Variants in P2RX4 observed in about 807,000 individuals in gnomAD.
P2RX4 encodes P2X purinoceptor 4.
A neutral mutation model predicts 48.0 loss-of-function variants in P2RX4; 37 were observed. That is an observed-to-expected ratio of 0.77 (90% CI 0.59 to 1.01). P2RX4 has a LOEUF of 1.01. Ranked by LOEUF, P2RX4 falls within the 50% of genes least tolerant of loss-of-function variation. P2RX4 has a pLI of 0.00. For missense variants in P2RX4, 501 were observed against 521.4 expected (o/e 0.96, Z 0.38); for synonymous variants, 200 against 199.7 (o/e 1.00, Z -0.01).
intron 2 of P2RX4, among the ~76,000 whole-genome samples, chr12:121,219,772 TTAGA>T (rs1886476578): frequency 6.6e-6 from 1 of 151,538 alleles, no homozygotes; most frequent in Admixed American, 6.6e-5. Context: ...ATAGGATAGA[TTAGA>T]TAGGTGATAG....
intron 5 of P2RX4, among the ~76,000 whole-genome samples, chr12:121,224,692 C>T (rs1246779915): frequency 1.3e-5 from 2 of 151,930 alleles, no homozygotes; most frequent in Admixed American, 6.6e-5. Context: ...TAACATTCTT[C>T]GTGGTTGTAA....
rs531322796 is a variant in P2RX4, at chr12:121,229,388, G to A, written c.884+289G>A. On this transcript the variant is annotated intron_variant, in intron 8 of 11. Coordinates refer to ENST00000337233, the MANE Select transcript of P2RX4 (RefSeq NM_002560.3). The surrounding 1 kb of genome is among the most constrained non-coding windows in gnomAD (Gnocchi z 4.6). ...AGAAGCTGGGGGCTTAAGCTTTCCA[G>A]CACCTGCCTCAGCCATGACCTCCAT... is the stretch of plus-strand genomic sequence containing the variant. Among the ~76,000 whole-genome samples the A allele has an allele frequency of 6.6e-6, 1 of 152,294 alleles. No individual in the cohort carries two copies. Among genetic ancestry groups the A allele is most frequent in the East Asian group, 1.9e-4 (1 of 5,176 alleles).
At chr12:121,230,936 G>A (rs1236153344) in intron 8 of P2RX4, among the ~76,000 whole-genome samples, 1 of 146,314 alleles carries the variant, frequency 6.8e-6, no homozygotes, top group African/African-American at 2.5e-5. Context: ...GTATATATGT[G>A]TATATATATA....
chr12:121,216,070 A>G (rs1886209792), intron 1 of P2RX4: 2 of 152,196 alleles, frequency 1.3e-5, no homozygotes, highest in Admixed American at 1.3e-4. Flanking sequence ...ATATGCTAAC[A>G]CTAACAATAG....
intron 5 of P2RX4, chr12:121,223,537 C>T (rs986751476): frequency 7.1e-5 from 12 of 168,456 alleles, no homozygotes; most frequent in African/African-American, 2.4e-4. Flanking sequence ...CACAAGGCAG[C>T]GACCATCAGT....
At chr12:121,212,808 A>T (rs1593195904) in intron 1 of P2RX4, 4 of 30,256 alleles carry the variant, frequency 1.3e-4, no homozygotes, top group African/African-American at 5.9e-4. Flanking sequence ...ATATATATAT[A>T]TATATATATA....
Position 121,223,215 on chromosome 12 carries a change from T to C in P2RX4, c.524+172T>C, listed in dbSNP as rs377409304. The C allele has an allele frequency of 6.6e-5, 39 of 591,834 alleles. 1 individual carries two copies. The highest frequency in any genetic ancestry group is 1.9e-4 in the African/African-American group (10 of 53,738). The allele number at this position is 591,834 out of a possible 1,614,324, so 36.7% of individuals were successfully genotyped here. ...TCAGCCTCCCGAGTAGCTGAGATTA[T>C]AGGCACCCACCACCACGCCCAACTA... On this transcript the variant is annotated intron_variant, in intron 5 of 11. Transcript: ENST00000337233.
At chr12:121,225,301 T>G (rs1886910321) in intron 5 of P2RX4, among the ~76,000 whole-genome samples, 1 of 152,126 alleles carries the variant, frequency 6.6e-6, no homozygotes, top group South Asian at 2.1e-4. Context: ...CTCGAACTCC[T>G]GACCTCAGGT....
intron 11 of P2RX4, 63 bp downstream of exon 11, chr12:121,233,155 G>A (rs1216553585): frequency 1.7e-6 from 2 of 1,181,272 alleles, no homozygotes; most frequent in Non-Finnish European, 2.5e-6. Context: ...GGAGCCCTGG[G>A]CGTGGGCCTG....
chr12:121,212,667 T>C (rs1173099186), intron 1 of P2RX4, among the ~76,000 whole-genome samples: 1 of 149,132 alleles, frequency 6.7e-6, no homozygotes, highest in Admixed American at 6.7e-5. Context: ...CTAATGCCTG[T>C]AATCCCGGCT....
At chr12:121,220,112 G>GTCTTCTCT (rs1886502736) in intron 2 of P2RX4, among the ~76,000 whole-genome samples, 1 of 152,164 alleles carries the variant, frequency 6.6e-6, no homozygotes, top group South Asian at 2.1e-4. Flanking sequence ...CCCTGACCGA[G>GTCTTCTCT]TCTTCTCTAG....
Position 121,233,044 on chromosome 12 carries a change from ACT to A in P2RX4, c.1095_1096del (p.Tyr366LeufsTer7), listed in dbSNP as rs1255808419. On this transcript the variant is annotated frameshift_variant, in exon 11 of 12. Coordinates refer to ENST00000337233, the MANE Select transcript of P2RX4 (RefSeq NM_002560.3). LOFTEE classifies it high-confidence loss of function. ...IIVLYCMKKRLYYREKKYKYV... is the reference protein window; with the variant it reads ...IIVLYCMKKRXYYREKKYKYV... ...TAGTCCTCTACTGCATGAAGAAAAG[ACT>A]CTACTATCGGGAGAAGAAATATAAA... The A allele has an allele frequency of 3.7e-6, 6 of 1,613,568 alleles. No homozygotes were observed. The highest frequency in any genetic ancestry group is 3.3e-5 in the South Asian group (3 of 91,070).
At chr12:121,220,849 G>A (rs183055544) in intron 2 of P2RX4, among the ~76,000 whole-genome samples, 1 of 152,078 alleles carries the variant, frequency 6.6e-6, no homozygotes, top group Non-Finnish European at 1.5e-5. Context: ...CTATGGACTT[G>A]ACTGTTCTGG....
chr12:121,212,826 T>TATATATA (rs1480106416), intron 1 of P2RX4: 4 of 81,424 alleles, frequency 4.9e-5, no homozygotes, highest in Non-Finnish European at 1.1e-4. Context: ...ATATATATAT[T>TATATATA]TTTTTTTTTT....
At position 121,233,813 on chromosome 12, in the gene P2RX4, C is replaced by T. The variant is rs963251566; in HGVS notation, c.*264C>T. ...TGGGGTTGTCGGGGGAGCGCTGGCC[C>T]GACGCAGTGGCACTGCTGTGGCTTT... On this transcript the variant is annotated 3_prime_UTR_variant, in exon 12 of 12. Transcript: ENST00000337233. The T allele has an allele frequency of 1.3e-5, 9 of 678,572 alleles. No individual in the cohort carries two copies. Among genetic ancestry groups the T allele is most frequent in the African/African-American group, 1.8e-5 (1 of 54,984 alleles). 42.0% of individuals were successfully genotyped at this position (678,572 alleles called of 1,614,324 possible). A position where few individuals can be genotyped will look rare whatever the true frequency, so the allele number is the denominator to read the frequency against.
intron 5 of P2RX4, chr12:121,223,250 A>T (rs1042495515): frequency 3.7e-6 from 2 of 537,572 alleles, no homozygotes; most frequent in Admixed American, 6.2e-5. Context: ...AATTTTTTGT[A>T]TTTTTAGTAG....
Position 121,233,588 on chromosome 12 carries a change from A to C in P2RX4, c.*39A>C, listed in dbSNP as rs377248986. 12 of 1,600,644 alleles carry C rather than the reference A, an allele frequency of 7.5e-6. No homozygotes were observed. In the South Asian group the frequency reaches 1.3e-4, roughly 18 times the overall value. On this transcript the variant is annotated 3_prime_UTR_variant, in exon 12 of 12. Coordinates refer to ENST00000337233, the MANE Select transcript of P2RX4 (RefSeq NM_002560.3). ...CCTGGGCTCTCCACAGCCCCATCAA[A>C]GAACAGAGAGGAGGAGGAGGGAGAA...
intron 1 of P2RX4, chr12:121,214,620 G>A (rs1481553496): frequency 6.6e-6 from 1 of 152,166 alleles, no homozygotes; most frequent in Non-Finnish European, 1.5e-5. Flanking sequence ...AAGCTTTTGT[G>A]TGTCAGACTG....
At chr12:121,222,811 TCTAAATC>T (rs1886726739) in intron 4 of P2RX4, 129 bp from the exon 5 acceptor site, 15 of 1,520,706 alleles carry the variant, frequency 9.9e-6, no homozygotes, top group Non-Finnish European at 1.2e-5. Context: ...AGTGACACTG[TCTAAATC>T]CCAGATTTGC....
Sources: gnomAD v4.1 joint callset for allele counts (sites outside exome capture counted in the v4.1 genomes callset) on GRCh38, gnomAD v4.1.1 for gene constraint, Gnocchi (gnomAD v3.1) non-coding constraint, MANE v1.5 for transcripts, NCBI Gene and HGNC (gene_info 2026-07-23, HGNC 2026-07-21) for gene names.